PDZD8: variants seen among roughly 807,000 people sequenced by gnomAD.
PDZD8 encodes PDZ domain-containing protein 8.
In PDZD8, 14 loss-of-function variants were observed where a neutral mutation model predicts 85.8. That is an observed-to-expected ratio of 0.16 (90% CI 0.11 to 0.26). PDZD8 has a LOEUF of 0.26. Among genes scored for constraint, PDZD8 ranks in the 10% least tolerant of loss-of-function variants. The pLI is 1.00. For missense variants in PDZD8, 1,197 were observed against 1,424.3 expected (o/e 0.84, Z 2.57); for synonymous variants, 592 against 568.6 (o/e 1.04, Z -0.59).
At chr10:117,305,285 G>A (rs1010465563) in intron 3 of PDZD8, among the ~76,000 whole-genome samples, 51 of 151,944 alleles carry the variant, frequency 3.4e-4, no homozygotes, top group African/African-American at 1.2e-3. Context: ...GGTAGTGCGT[G>A]CCAGTAATCC....
chr10:117,277,370 G>A lies in PDZD8; in HGVS notation c.*5898C>T, dbSNP rs899102911. ...CTTAGTCATACCATCCATCCCTGGT[G>A]AAAGAGTAAAACCAAAGGTTATTAT... On this transcript the variant is annotated 3_prime_UTR_variant, in exon 5 of 5. Coordinates refer to ENST00000334464, the MANE Select transcript of PDZD8 (RefSeq NM_173791.5). The A allele has an allele frequency of 1.6e-6, 1 of 622,304 alleles. No homozygotes were observed. Among genetic ancestry groups the A allele is most frequent in the African/African-American group, 1.9e-5 (1 of 53,062 alleles). 38.5% of individuals were successfully genotyped at this position (622,304 alleles called of 1,614,324 possible).
Position 117,283,773 on chromosome 10 carries a change from G to A in PDZD8, c.2960C>T (p.Pro987Leu). The change falls in exon 5 of 5, where the codon CCA (proline) becomes CTA (leucine). Residue 987 changes from proline (P) to leucine (L), a missense_variant. This residue lies in a region of PDZD8 where 418 missense variants were observed against 571.1 expected (regional missense o/e 0.73). Transcript: ENST00000334464. The stretch of plus-strand genomic sequence containing the variant: ...GTTTCCCCGTTTAGAAGGACTGTTT[G>A]GACCACAGACCTCCGTGTCACTGCC... The part of the protein sequence containing the change: ...NEGSDTEVCG[P>L]NSPSKRGNST... 6.2e-7 allele frequency: 1 copy of A among 1,614,154 alleles called. No homozygotes were observed. The highest frequency in any genetic ancestry group is 1.3e-5 in the African/African-American group (1 of 75,032).
At chr10:117,330,538 A>G (rs1196056512) in intron 2 of PDZD8, among the ~76,000 whole-genome samples, 1 of 152,148 alleles carries the variant, frequency 6.6e-6, no homozygotes, top group Admixed American at 6.6e-5. Flanking sequence ...AGATCCTTAG[A>G]GTTCCTTTGC....
At chr10:117,354,582 T>G (rs1264319424) in intron 1 of PDZD8, among the ~76,000 whole-genome samples, 1 of 152,130 alleles carries the variant, frequency 6.6e-6, no homozygotes, top group Non-Finnish European at 1.5e-5. Flanking sequence ...TAGGCTTATT[T>G]GAGAATAGAG....
chr10:117,371,634 T>C (rs1173742715), intron 1 of PDZD8, among the ~76,000 whole-genome samples: 3 of 152,180 alleles, frequency 2.0e-5, no homozygotes, highest in South Asian at 4.1e-4. Flanking sequence ...AATCCCATTC[T>C]AGTTTAAATC....
At chr10:117,340,607 A>G (rs1269539991) in intron 2 of PDZD8, among the ~76,000 whole-genome samples, 1 of 152,190 alleles carries the variant, frequency 6.6e-6, no homozygotes, top group African/African-American at 2.4e-5. Context: ...TGCTATACTT[A>G]TCATGATGGT....
At chr10:117,296,423 T>C (rs1297077616) in intron 3 of PDZD8, among the ~76,000 whole-genome samples, 2 of 152,124 alleles carry the variant, frequency 1.3e-5, no homozygotes, top group Non-Finnish European at 2.9e-5. Context: ...GAGATGACAG[T>C]TCTTCCCAAA....
chr10:117,304,425 G>A (rs543827146), intron 3 of PDZD8, among the ~76,000 whole-genome samples: 3 of 152,222 alleles, frequency 2.0e-5, no homozygotes, highest in Non-Finnish European at 4.4e-5. Flanking sequence ...GACTTGCCTT[G>A]TCTCAGATGA....
Position 117,341,026 on chromosome 10 carries a change from C to T in PDZD8, c.949G>A (p.Ala317Thr). 1 of 1,613,866 alleles carries T rather than the reference C, an allele frequency of 6.2e-7. No homozygotes were observed. Residue 317 changes from alanine (A) to threonine (T), a missense_variant, in exon 2 of 5, where the codon GCA becomes ACA. Ala to Thr is a moderately conservative substitution (Grantham distance 58). Transcript: ENST00000334464. The stretch of plus-strand genomic sequence containing the variant: ...ACTTTAAGACGGCCTTCAGTAAGTG[C>T]CCATTGTTGTATATGGATATGCTCT... ...DEEHIHIQQW[A>T]LTEGRLKVTL...
At chr10:117,347,181 T>A (rs2133857094) in intron 1 of PDZD8, among the ~76,000 whole-genome samples, 1 of 152,050 alleles carries the variant, frequency 6.6e-6, no homozygotes, top group Non-Finnish European at 1.5e-5. Context: ...GGGACAGGCC[T>A]CATTATACCC....
intron 3 of PDZD8, among the ~76,000 whole-genome samples, chr10:117,313,239 A>G (rs1423595848): frequency 1.3e-5 from 2 of 152,144 alleles, no homozygotes; most frequent in Non-Finnish European, 2.9e-5. Flanking sequence ...CTGAAATTCA[A>G]CCTATGCTGC....
At chr10:117,372,277 A>G (rs534834843) in intron 1 of PDZD8, among the ~76,000 whole-genome samples, 179 of 152,364 alleles carry the variant, frequency 1.2e-3, no homozygotes, top group African/African-American at 4.1e-3. Context: ...AGTGAAAAGC[A>G]ATTTTGCCAT....
intron 1 of PDZD8, among the ~76,000 whole-genome samples, chr10:117,351,940 A>G (rs961933072): frequency 6.6e-6 from 1 of 152,156 alleles, no homozygotes; most frequent in Non-Finnish European, 1.5e-5. Flanking sequence ...CGGCCTCCCA[A>G]AGTGTTGGGA....
chr10:117,329,884 T>G (rs1221946243), intron 2 of PDZD8, among the ~76,000 whole-genome samples: 1 of 149,476 alleles, frequency 6.7e-6, no homozygotes, highest in Non-Finnish European at 1.5e-5. Flanking sequence ...GGGTGGAGGT[T>G]GCAGTGAGGC....
At chr10:117,319,773 A>C (rs1437137411) in intron 2 of PDZD8, among the ~76,000 whole-genome samples, 1 of 152,134 alleles carries the variant, frequency 6.6e-6, no homozygotes, top group Non-Finnish European at 1.5e-5. Context: ...CATGGGTCCA[A>C]CTTCTATATT....
chr10:117,320,816 A>G (rs1844215301), intron 2 of PDZD8, among the ~76,000 whole-genome samples: 2 of 152,156 alleles, frequency 1.3e-5, no homozygotes, highest in South Asian at 4.1e-4. Flanking sequence ...CAGCTCAACA[A>G]TAAAAAGACA....
chr10:117,357,725 C>T (rs1414120911), intron 1 of PDZD8, among the ~76,000 whole-genome samples: 1 of 120,516 alleles, frequency 8.3e-6, no homozygotes, highest in Non-Finnish European at 1.6e-5. Flanking sequence ...CCGATCATGC[C>T]ACAGCACTCC....
At chr10:117,319,429 A>ACACACACG (rs752916561) in intron 2 of PDZD8, among the ~76,000 whole-genome samples, 2 of 78,654 alleles carry the variant, frequency 2.5e-5, no homozygotes, top group East Asian at 9.8e-4. Flanking sequence ...ACACACACAC[A>ACACACACG]CACACTCTTC....
At position 117,374,982 on chromosome 10, in the gene PDZD8, C is replaced by T. The variant is rs1156954976; in HGVS notation, c.246G>A (p.Ala82=). ...AAPEGGATPT[A]APETPAPPTR... The stretch of plus-strand genomic sequence containing the variant: ...TCGGCGGGGCGGGGGTCTCGGGGGC[C>T]GCGGTGGGGGTCGCGCCGCCCTCAG... Residue 82 remains alanine, a synonymous_variant, in exon 1 of 5, where the codon GCG becomes GCA. Transcript: ENST00000334464. This position sits in a 1 kb window ranked among gnomAD's most constrained non-coding sequence, Gnocchi z 7.8. 1.3e-6 allele frequency: 2 copies of T among 1,598,116 alleles called. No homozygotes were observed. Among genetic ancestry groups the T allele is most frequent in the Admixed American group, 3.5e-5 (2 of 57,948 alleles).
Sources: allele counts gnomAD v4.1 joint callset (sites outside exome capture counted in the v4.1 genomes callset), GRCh38; gene constraint gnomAD v4.1.1; regional missense constraint gnomAD v4.1.1; non-coding constraint Gnocchi (gnomAD v3.1); transcripts MANE v1.5; gene names NCBI Gene and HGNC (gene_info 2026-07-23, HGNC 2026-07-21).